Variants in MGST1 observed in about 807,000 individuals in gnomAD.
MGST1 encodes the protein glutathione S-transferase 12.
A neutral mutation model predicts 8.9 loss-of-function variants in MGST1; 5 were observed. The observed-to-expected ratio is 0.56, with a 90% confidence interval of 0.29 to 1.19. The LOEUF (loss-of-function observed/expected upper bound fraction) is 1.19, where lower values mean the gene tolerates loss of function less well. Among genes scored for constraint, MGST1 ranks in the 50% most tolerant of loss-of-function variants. The pLI is 0.08. For missense variants in MGST1, 182 were observed against 187.4 expected, an observed-to-expected ratio of 0.97 and a Z score of 0.17; for synonymous variants, 54 against 67.8, an observed-to-expected ratio of 0.80 and a Z score of 1.00.
intron 1 of MGST1, among the ~76,000 whole-genome samples, chr12:16,387,612 C>T (rs140548944): frequency 5.3e-5 from 8 of 151,920 alleles, no homozygotes; most frequent in East Asian, 1.9e-4. Flanking sequence ...CTGCAAGCTC[C>T]GCCTCCCACG....
At chr12:16,481,703 A>G (rs1324212484) in intron 4 of MGST1, among the ~76,000 whole-genome samples, 2 of 152,160 alleles carry the variant, frequency 1.3e-5, no homozygotes, top group Non-Finnish European at 2.9e-5. Context: ...ATACAGCACA[A>G]AGAGAAAAAG....
At chr12:16,529,795 A>G (rs1045224921) in intron 4 of MGST1, among the ~76,000 whole-genome samples, 2 of 152,124 alleles carry the variant, frequency 1.3e-5, no homozygotes, top group East Asian at 1.9e-4. Flanking sequence ...TTAGAAATCT[A>G]TAATTGTAAA....
intron 1 of MGST1, among the ~76,000 whole-genome samples, chr12:16,394,512 C>CT (rs1565446361): frequency 6.1e-4 from 30 of 49,098 alleles, no homozygotes; most frequent in African/African-American, 1.7e-3. Context: ...CTCTTTCTCT[C>CT]CCTTTCTTTC....
At chr12:16,368,868 C>T (rs1940239004), downstream of MGST1, among the ~76,000 whole-genome samples, 2 of 152,122 alleles carry the variant, frequency 1.3e-5, 1 homozygote, top group South Asian at 4.1e-4. Context: ...TTTAGGAAAA[C>T]ATGAACCAGG....
intron 4 of MGST1, among the ~76,000 whole-genome samples, chr12:16,495,671 C>T (rs1214632354): frequency 6.6e-6 from 1 of 151,708 alleles, no homozygotes; most frequent in Non-Finnish European, 1.5e-5. Flanking sequence ...CTCTTTCATC[C>T]CTCAGGGTCA....
At chr12:16,348,713 T>G (rs1939310808) in intron 1 of MGST1, among the ~76,000 whole-genome samples, 1 of 151,676 alleles carries the variant, frequency 6.6e-6, no homozygotes, top group Admixed American at 6.6e-5. Context: ...TTGCATATGC[T>G]TTTCTTGGCC....
intron 4 of MGST1, among the ~76,000 whole-genome samples, chr12:16,445,100 T>A (rs1423364982): frequency 6.6e-6 from 1 of 151,728 alleles, no homozygotes. Context: ...TTGTACAGCA[T>A]CCTGGGCTTG....
At chr12:16,498,248 T>C (rs145965584) in intron 4 of MGST1, among the ~76,000 whole-genome samples, 3 of 152,292 alleles carry the variant, frequency 2.0e-5, no homozygotes, top group East Asian at 3.9e-4. Flanking sequence ...GAAAGAGGCA[T>C]AATGGTTATT....
chr12:16,447,287 T>C (rs982419591), intron 4 of MGST1, among the ~76,000 whole-genome samples: 1 of 151,930 alleles, frequency 6.6e-6, no homozygotes, highest in African/African-American at 2.4e-5. Flanking sequence ...TGGCTAATCA[T>C]TGAAGCTCTT....
chr12:16,572,339 CTTTTTTTTTTT>C lies in MGST1; in HGVS notation n.483-17177_483-17167del, dbSNP rs59773866. Among the ~76,000 whole-genome samples, 5 of 89,530 alleles carry C rather than the reference CTTTTTTTTTTT, an allele frequency of 5.6e-5. No homozygotes were observed. The East Asian group carries it at 1.1e-3, about 19-fold the overall frequency. The allele number at this position is 89,530 out of a possible 152,430, so 58.7% of individuals were successfully genotyped here. On this transcript the variant is annotated intron_variant and non_coding_transcript_variant, in intron 4 of 4. Coordinates refer to the MGST1 transcript ENST00000538857. ...TGTTTTCTGCATAGTGGTCCAAACT[CTTTTTTTTTTT>C]TTTTTTTTTTTGTAAAGAGCTGTTT... is the stretch of plus-strand genomic sequence containing the variant.
intron 4 of MGST1, among the ~76,000 whole-genome samples, chr12:16,501,127 G>C (rs1439014430): frequency 6.8e-6 from 1 of 146,034 alleles, no homozygotes; most frequent in Non-Finnish European, 1.5e-5. Flanking sequence ...AAGAAAGAAA[G>C]AGTACTTAGA....
At chr12:16,406,550 A>C (rs1275881319) in intron 1 of MGST1, among the ~76,000 whole-genome samples, 4 of 152,212 alleles carry the variant, frequency 2.6e-5, no homozygotes, top group African/African-American at 9.6e-5. Context: ...TTTTCGCAGA[A>C]CTAGAAAAAA....
intron 4 of MGST1, among the ~76,000 whole-genome samples, chr12:16,553,003 C>A (rs146105176): frequency 1.3e-5 from 2 of 152,032 alleles, no homozygotes; most frequent in Non-Finnish European, 2.9e-5. Context: ...TGACATCAGT[C>A]GACTTTGTAG....
At chr12:16,373,940 A>G (rs1054280181) in intron 3 of MGST1, among the ~76,000 whole-genome samples, 8 of 152,132 alleles carry the variant, frequency 5.3e-5, no homozygotes, top group Non-Finnish European at 1.2e-4. Flanking sequence ...TTGAGCTTGT[A>G]TGTGCTTTCC....
At chr12:16,386,960 T>A (rs1308173026) in intron 1 of MGST1, among the ~76,000 whole-genome samples, 1 of 152,192 alleles carries the variant, frequency 6.6e-6, no homozygotes, top group East Asian at 1.9e-4. Context: ...TCGATTGTAG[T>A]GGCATTGCAG....
chr12:16,405,109 A>G (rs1940688650), intron 1 of MGST1, among the ~76,000 whole-genome samples: 1 of 152,228 alleles, frequency 6.6e-6, no homozygotes, highest in African/African-American at 2.4e-5. Flanking sequence ...ACCTAACATC[A>G]TAACTGAAAG....
chr12:16,398,109 C>T (rs1479659202), intron 1 of MGST1, among the ~76,000 whole-genome samples: 1 of 150,544 alleles, frequency 6.6e-6, no homozygotes, highest in East Asian at 1.9e-4. Flanking sequence ...TACAAAATCC[C>T]ACAGTTTATT....
At position 16,585,994 on chromosome 12, in the gene MGST1, T is replaced by C. The variant is rs539364803; in HGVS notation, n.483-3534T>C. 5.3e-5 allele frequency among the ~76,000 whole-genome samples: 8 copies of C among 152,210 alleles called. 1 individual carries two copies. In the South Asian group the frequency reaches 1.5e-3, roughly 28 times the overall value. On this transcript the variant is annotated intron_variant and non_coding_transcript_variant, in intron 4 of 4. Coordinates refer to the MGST1 transcript ENST00000538857. This position sits in a 1 kb window ranked among gnomAD's most constrained non-coding sequence, Gnocchi z 4.7. ...GTGATACAGTAAACAAAGTCCCCAA[T>C]AGCATCCTTAGGACACTGATGTTTT...
chr12:16,564,263 G>A (rs1346889742), intron 4 of MGST1, among the ~76,000 whole-genome samples: 2 of 152,134 alleles, frequency 1.3e-5, no homozygotes, highest in Non-Finnish European at 2.9e-5. Flanking sequence ...TAGTGAGCAT[G>A]CACAGAGAAA....
Sources: allele counts gnomAD v4.1 joint callset (sites outside exome capture counted in the v4.1 genomes callset), GRCh38; gene constraint gnomAD v4.1.1; non-coding constraint Gnocchi (gnomAD v3.1); transcripts MANE v1.5; gene names NCBI Gene and HGNC (gene_info 2026-07-23, HGNC 2026-07-21).